Variants in SQOR observed in about 807,000 individuals in gnomAD.
The protein encoded by SQOR is sulfide:quinone oxidoreductase, mitochondrial.
A neutral mutation model predicts 48.6 loss-of-function variants in SQOR; 39 were observed. The ratio of observed to expected loss-of-function variants is 0.80; its 90% CI spans 0.62 to 1.05. SQOR has a LOEUF of 1.05. Among genes scored for constraint, SQOR ranks in the 50% least tolerant of loss-of-function variants. SQOR has a pLI of 0.00. For missense variants in SQOR, 561 were observed against 559.9 expected (o/e 1.00, Z -0.02); for synonymous variants, 220 against 206.2 (o/e 1.07, Z -0.57).
chr15:45,638,523 G>T (rs2140936107), intron 1 of SQOR, among the ~76,000 whole-genome samples: 1 of 152,242 alleles, frequency 6.6e-6, no homozygotes, highest in South Asian at 2.1e-4. Context: ...GGGAGTTTGA[G>T]GCCAGCCTGG....
At chr15:45,654,144 A>C (rs1049892349) in intron 1 of SQOR, among the ~76,000 whole-genome samples, 3 of 151,730 alleles carry the variant, frequency 2.0e-5, no homozygotes, top group African/African-American at 7.3e-5. Flanking sequence ...AGTGGCATTA[A>C]AAAATTATGA....
intron 4 of SQOR, among the ~76,000 whole-genome samples, chr15:45,670,985 C>T (rs1037034118): frequency 1.3e-5 from 2 of 152,184 alleles, no homozygotes; most frequent in Admixed American, 1.3e-4. Context: ...AAAGGCAATG[C>T]GTCTCCATGG....
chr15:45,664,933 C>G (rs1889787161), intron 3 of SQOR, among the ~76,000 whole-genome samples: 1 of 152,108 alleles, frequency 6.6e-6, no homozygotes, highest in Non-Finnish European at 1.5e-5. Flanking sequence ...GAATTACACT[C>G]AAGATTGTTC....
chr15:45,662,278 G>T (rs114112036), intron 3 of SQOR, among the ~76,000 whole-genome samples, 153 bp downstream of exon 3: 12 of 152,284 alleles, frequency 7.9e-5, no homozygotes, highest in African/African-American at 2.4e-4. Context: ...AGATGGCAGG[G>T]TATGTGGTAA....
At chr15:45,655,681 C>CTTTTTTTTTTTTTTTTTTT (rs60764234) in intron 1 of SQOR, among the ~76,000 whole-genome samples, 2 of 143,738 alleles carry the variant, frequency 1.4e-5, no homozygotes, top group Admixed American at 7.0e-5. Context: ...GAAAGTATAT[C>CTTTTTTTTTTTTTTTTTTT]TTTTTTTTTT....
At chr15:45,679,707 G>C (rs1401382184) in intron 6 of SQOR, among the ~76,000 whole-genome samples, 1 of 152,188 alleles carries the variant, frequency 6.6e-6, no homozygotes, top group African/African-American at 2.4e-5. Context: ...AAAGACCAAA[G>C]AGATGAAGTG....
At chr15:45,667,479 T>C (rs1399055940) in intron 3 of SQOR, among the ~76,000 whole-genome samples, 1 of 152,098 alleles carries the variant, frequency 6.6e-6, no homozygotes, top group Non-Finnish European at 1.5e-5. Context: ...TCTACACTGT[T>C]GTGCGTAACT....
intron 1 of SQOR, 29 bp from the exon 2 acceptor site, chr15:45,658,878 C>A: frequency 7.0e-7 from 1 of 1,435,274 alleles, no homozygotes; most frequent in South Asian, 1.5e-5. Context: ...TCTACCTTGG[C>A]ACTCACAGCC....
At chr15:45,683,308 C>G (rs187210540) in intron 7 of SQOR, among the ~76,000 whole-genome samples, 2 of 152,190 alleles carry the variant, frequency 1.3e-5, no homozygotes, top group Non-Finnish European at 2.9e-5. Context: ...GCCTGAAACA[C>G]CATAAAGCTC....
chr15:45,658,934 T>G lies in SQOR; in HGVS notation c.11T>G (p.Leu4Arg), dbSNP rs1889666298. 3 of 1,562,080 alleles carry G rather than the reference T, an allele frequency of 1.9e-6. No individual in the cohort carries two copies. Among genetic ancestry groups the G allele is most frequent in the South Asian group, 1.2e-5 (1 of 85,638 alleles). MVP[L>R]VAVVSGPRAQ... Reference sequence around the variant, plus strand: ...TGATCCTGCCTGAAGATGGTGCCACTGGTGGCTGTGGTATCAGGGCCCCGT... The same window carrying G: ...TGATCCTGCCTGAAGATGGTGCCACGGGTGGCTGTGGTATCAGGGCCCCGT... The change falls in exon 2 of 10, where the codon CTG becomes CGG. Residue 4 changes from leucine to arginine, a missense_variant. By Grantham distance (102) the Leu-to-Arg change is moderately radical (BLOSUM62 -2). Transcript: ENST00000260324.
intron 1 of SQOR, among the ~76,000 whole-genome samples, 200 bp downstream of exon 1, chr15:45,635,308 G>A (rs1355009847): frequency 6.6e-6 from 1 of 152,226 alleles, no homozygotes; most frequent in Non-Finnish European, 1.5e-5. Context: ...TCTGGAACCC[G>A]GGTCTTGGGA....
intron 8 of SQOR, 79 bp from the exon 9 acceptor site, chr15:45,688,960 C>A (rs1890271290): frequency 5.1e-6 from 6 of 1,172,346 alleles, no homozygotes; most frequent in South Asian, 1.8e-5. Flanking sequence ...GCACTCACAG[C>A]AAATAATAAA....
intron 7 of SQOR, 99 bp downstream of exon 7, chr15:45,682,760 G>A: frequency 7.2e-7 from 1 of 1,384,494 alleles, no homozygotes. Flanking sequence ...AGAGACGGTG[G>A]TTCCTGCCTG....
intron 9 of SQOR, among the ~76,000 whole-genome samples, chr15:45,690,119 C>T (rs1268032068): frequency 1.1e-5 from 1 of 93,860 alleles, no homozygotes; most frequent in African/African-American, 3.8e-5. Context: ...TCTTGCCCTG[C>T]CCGTGGTGTG....
At chr15:45,647,903 G>T (rs1172027098) in intron 1 of SQOR, among the ~76,000 whole-genome samples, 1 of 152,096 alleles carries the variant, frequency 6.6e-6, no homozygotes, top group African/African-American at 2.4e-5. Flanking sequence ...GGCGACAAGT[G>T]ACAGAGCAAG....
At chr15:45,654,115 CAA>C (rs60006729) in intron 1 of SQOR, among the ~76,000 whole-genome samples, 16,898 of 107,544 alleles carry the variant, frequency 0.16, 1,311 homozygotes, top group East Asian at 0.54. Flanking sequence ...GAGTGAGACT[CAA>C]AAAAAAAAAA....
In SQOR at chr15:45,662,193, CTGG is replaced by C. The variant is rs1889733053; in HGVS notation, c.405+69_405+71del. On this transcript the variant is annotated intron_variant, in intron 3 of 9. Transcript: ENST00000260324. ...TGTATTAATATGCAGCCATCTTAAA[CTGG>C]ATAGCCTTGTGTTGAAAGAGCGGTA... The C allele has an allele frequency of 1.2e-5, 18 of 1,542,158 alleles. No individual in the cohort carries two copies. The South Asian group carries it at 2.1e-4, about 18-fold the overall frequency.
Position 45,691,000 on chromosome 15 carries a change from G to C in SQOR, c.1323G>C (p.Leu441=). ...LRGYWGGPAF[L]RKLFHLGMS is the part of the protein sequence containing the mutation. ...GTTACTGGGGAGGACCAGCGTTTCT[G>C]CGCAAGTTGTTTCATCTAGGTATGA... Residue 441 remains leucine (L), a synonymous_variant, in exon 10 of 10, where the codon CTG becomes CTC. Coordinates refer to ENST00000260324, the MANE Select transcript of SQOR (RefSeq NM_021199.4). 6.2e-7 allele frequency: 1 copy of C among 1,614,158 alleles called. No individual in the cohort carries two copies. Among genetic ancestry groups the C allele is most frequent in the Non-Finnish European group, 8.5e-7 (1 of 1,180,022 alleles).
At chr15:45,680,608 G>A (rs753578563) in intron 6 of SQOR, among the ~76,000 whole-genome samples, 11 of 150,346 alleles carry the variant, frequency 7.3e-5, no homozygotes, top group Non-Finnish European at 1.3e-4. Flanking sequence ...GTAGAGAGGG[G>A]TTTGACTACG....
Sources: gnomAD v4.1 joint callset for allele counts (sites outside exome capture counted in the v4.1 genomes callset) on GRCh38, gnomAD v4.1.1 for gene constraint, MANE v1.5 for transcripts, NCBI Gene and HGNC (gene_info 2026-07-23, HGNC 2026-07-21) for gene names.